FLNB: variants seen among roughly 807,000 people sequenced by gnomAD.
FLNB encodes the protein filamin-B.
A neutral mutation model predicts 250.6 loss-of-function variants in FLNB; 111 were observed. The observed-to-expected ratio is 0.44, with a 90% confidence interval of 0.38 to 0.52. The LOEUF is 0.52. Among genes scored for constraint, FLNB ranks in the 20% least tolerant of loss-of-function variants. FLNB has a pLI of 0.00. For missense variants in FLNB, 2,869 were observed against 3,447.8 expected, an observed-to-expected ratio of 0.83 and a Z score of 4.20; for synonymous variants, 1,302 against 1,372.1, an observed-to-expected ratio of 0.95 and a Z score of 1.13.
intron 19 of FLNB, 126 bp downstream of exon 19, chr3:58,119,115 A>G (rs1449364753): frequency 1.3e-6 from 1 of 798,044 alleles, no homozygotes; most frequent in South Asian, 1.4e-5. Flanking sequence ...TTGCAGTTGC[A>G]CAGACTTTGG....
In FLNB at chr3:58,009,974, G is replaced by T. The variant is rs141597220; in HGVS notation, c.292+1118G>T. 6.5e-3 allele frequency among the ~76,000 whole-genome samples: 991 copies of T among 152,322 alleles called. 7 individuals are homozygous for T. Among genetic ancestry groups the T allele is most frequent in the African/African-American group, 0.023 (956 of 41,558 alleles). ...TAGGGGCTGTGATGTGTGTGTGCATGTGGGCGTTTGTGCAGAGAACGTGTG... is the reference window on the plus strand; with the variant it reads ...TAGGGGCTGTGATGTGTGTGTGCATTTGGGCGTTTGTGCAGAGAACGTGTG... On this transcript the variant is annotated intron_variant, in intron 1 of 45. Transcript: ENST00000295956.
chr3:58,152,729 C>T lies in FLNB; in HGVS notation c.6368-646C>T, dbSNP rs761647125. 8.2e-6 allele frequency: 11 copies of T among 1,335,046 alleles called. No individual in the cohort carries two copies. The East Asian group carries it at 4.7e-4, about 57-fold the overall frequency. 82.7% of individuals were successfully genotyped at this position (1,335,046 alleles called of 1,614,324 possible). ...TCAGGGGTCAGAGTCATGAACTGCT[C>T]TGCCCAGATCCTGTGGGGCTGGAGG... is the stretch of plus-strand genomic sequence containing the variant. On this transcript the variant is annotated intron_variant, in intron 38 of 45. Coordinates refer to ENST00000295956, the MANE Select transcript of FLNB (RefSeq NM_001457.4).
chr3:58,105,556 A>G (rs1378369347), intron 11 of FLNB, among the ~76,000 whole-genome samples: 1 of 152,236 alleles, frequency 6.6e-6, no homozygotes, highest in East Asian at 1.9e-4. Context: ...GATTTGGAAG[A>G]TAAATATTTC....
At chr3:58,096,321 C>G (rs1314852282) in intron 6 of FLNB, 103 bp downstream of exon 6, 1 of 860,844 alleles carries the variant, frequency 1.2e-6, no homozygotes, top group Non-Finnish European at 1.9e-6. Flanking sequence ...TTCTGATTTT[C>G]CTTTCTGATT....
chr3:58,057,304 T>C lies in FLNB; in HGVS notation c.293-19742T>C, dbSNP rs945679857. ...CTGCAACTTCTATAAATAGCAAAGT[T>C]AGTAATTAGTGAAGATGATGGTTTG... On this transcript the variant is annotated intron_variant, in intron 1 of 45. Transcript: ENST00000295956. 2.0e-5 allele frequency among the ~76,000 whole-genome samples: 3 copies of C among 152,244 alleles called. No homozygotes were observed. The South Asian group carries it at 6.2e-4, about 31-fold the overall frequency.
chr3:58,099,971 A>G (rs2097246833), intron 8 of FLNB, among the ~76,000 whole-genome samples: 1 of 152,102 alleles, frequency 6.6e-6, no homozygotes, highest in South Asian at 2.1e-4. Context: ...TGTTTATATG[A>G]ACTCAGCAAT....
chr3:58,080,698 T>G (rs1383633044), intron 3 of FLNB, among the ~76,000 whole-genome samples: 2 of 151,908 alleles, frequency 1.3e-5, no homozygotes, highest in African/African-American at 4.8e-5. Flanking sequence ...TTCACCATGT[T>G]GGCCAGGCTT....
At chr3:58,155,496 T>A (rs2097351907) in intron 40 of FLNB, among the ~76,000 whole-genome samples, 1 of 152,242 alleles carries the variant, frequency 6.6e-6, no homozygotes, top group African/African-American at 2.4e-5. Context: ...GGTGACAGTA[T>A]ATTAACTGTC....
At chr3:58,109,047 C>T (rs2097264228) in intron 13 of FLNB, 132 bp from the exon 14 acceptor site, 3 of 968,608 alleles carry the variant, frequency 3.1e-6, no homozygotes, top group African/African-American at 1.6e-5. Flanking sequence ...AAATATGGCA[C>T]ATTGTAGTTG....
At chr3:58,085,325 G>C (rs1205258267) in intron 4 of FLNB, among the ~76,000 whole-genome samples, 1 of 152,210 alleles carries the variant, frequency 6.6e-6, no homozygotes. Flanking sequence ...AAGGCCACAT[G>C]GGTGGGGCTG....
rs527769569 is a variant in FLNB, at chr3:58,143,341, G to T, written c.5285-132G>T. The T allele has an allele frequency of 1.0e-4, 96 of 918,952 alleles. No individual in the cohort carries two copies. The African/African-American group carries it at 1.5e-3, about 14-fold the overall frequency. The allele number at this position is 918,952 out of a possible 1,614,324, so 56.9% of individuals were successfully genotyped here. A position where few individuals can be genotyped will look rare whatever the true frequency, so the allele number is the denominator to read the frequency against. The stretch of plus-strand genomic sequence containing the variant: ...AATGGTCTCTCCCATTGTGGGACTT[G>T]AATGTTTTAGGCAGCAACGAATGTT... On this transcript the variant is annotated intron_variant, in intron 31 of 45. Transcript: ENST00000295956.
At chr3:58,103,529 C>T (rs779972821) in intron 9 of FLNB, among the ~76,000 whole-genome samples, 3 of 152,114 alleles carry the variant, frequency 2.0e-5, no homozygotes, top group Non-Finnish European at 4.4e-5. Flanking sequence ...GAAAAGTATA[C>T]GCTGGAACAC....
At chr3:58,039,022 CTTTT>C (rs375425626) in intron 1 of FLNB, among the ~76,000 whole-genome samples, 229 of 138,070 alleles carry the variant, frequency 1.7e-3, no homozygotes, top group African/African-American at 6.0e-3. Context: ...AAGTTAGTTC[CTTTT>C]TTTTTTTTTT....
chr3:58,103,873 T>C, intron 9 of FLNB, 86 bp from the exon 10 acceptor site: 1 of 1,533,766 alleles, frequency 6.5e-7, no homozygotes, highest in East Asian at 2.2e-5. Context: ...TTTTGTTCAG[T>C]GTGGCTGCCT....
chr3:58,147,101 T>G, intron 34 of FLNB, 108 bp downstream of exon 34: 1 of 1,146,814 alleles, frequency 8.7e-7, no homozygotes, highest in African/African-American at 1.5e-5. Flanking sequence ...TCTTTGAGTT[T>G]AGGTTTCACA....
intron 31 of FLNB, 106 bp from the exon 32 acceptor site, chr3:58,143,367 C>T (rs1446744409): frequency 2.5e-6 from 3 of 1,190,726 alleles, no homozygotes; most frequent in South Asian, 1.3e-5. Flanking sequence ...AACGAATGTT[C>T]TTGGGTCTGG....
intron 13 of FLNB, 62 bp downstream of exon 13, chr3:58,108,633 G>C (rs976542489): frequency 9.7e-7 from 1 of 1,029,354 alleles, no homozygotes; most frequent in African/African-American, 1.6e-5. Flanking sequence ...ACCACGTAAT[G>C]GCAAGTTGCT....
intron 1 of FLNB, among the ~76,000 whole-genome samples, chr3:58,047,871 T>C (rs745359777): frequency 6.6e-6 from 1 of 152,148 alleles, no homozygotes; most frequent in Admixed American, 6.6e-5. Flanking sequence ...GCCACATGCG[T>C]GTTTTTTATT....
intron 19 of FLNB, among the ~76,000 whole-genome samples, chr3:58,120,471 T>A (rs1213935546): frequency 2.6e-5 from 4 of 152,238 alleles, no homozygotes; most frequent in Non-Finnish European, 5.9e-5. Flanking sequence ...GCAGGGGCCC[T>A]GTGTTCCCAG....
Sources: gnomAD v4.1 joint callset for allele counts (sites outside exome capture counted in the v4.1 genomes callset) on GRCh38, gnomAD v4.1.1 for gene constraint, MANE v1.5 for transcripts, NCBI Gene and HGNC (gene_info 2026-07-23, HGNC 2026-07-21) for gene names.